SIL1: variants seen among roughly 807,000 people sequenced by gnomAD.
SIL1 encodes SIL1 nucleotide exchange factor, also known as nucleotide exchange factor SIL1.
A neutral mutation model predicts 49.1 loss-of-function variants in SIL1; 40 were observed. The observed-to-expected ratio is 0.81, with a 90% CI of 0.63 to 1.06. The LOEUF (loss-of-function observed/expected upper bound fraction) is 1.06. Ranked by LOEUF, SIL1 falls within the 50% of genes least tolerant of loss-of-function variation. The pLI is 0.00. For synonymous variants in SIL1, 253 were observed against 250.8 expected, an observed-to-expected ratio of 1.01 and a Z score of -0.08; for missense variants, 500 against 572.6, an observed-to-expected ratio of 0.87 and a Z score of 1.29.
chr5:139,182,183 G>A (rs1181279589), intron 1 of SIL1, among the ~76,000 whole-genome samples: 1 of 152,156 alleles, frequency 6.6e-6, no homozygotes, highest in Admixed American at 6.5e-5. Flanking sequence ...TCATTGCTTG[G>A]GAGCAGGCAA....
chr5:139,181,201 C>G (rs937078684), intron 1 of SIL1, among the ~76,000 whole-genome samples: 1 of 152,152 alleles, frequency 6.6e-6, no homozygotes, highest in Non-Finnish European at 1.5e-5. Flanking sequence ...TAGTGTGACT[C>G]TTAATGTTAC....
At position 139,095,374 on chromosome 5, in the gene SIL1, G is replaced by A. The variant is rs544389109; in HGVS notation, c.244+25661C>T. On this transcript the variant is annotated intron_variant, in intron 3 of 9. Transcript: ENST00000394817. The stretch of plus-strand genomic sequence containing the variant: ...CACCTCCTGGGTTCAAACAATTCTC[G>A]TGCCTCACCTCCTGAGTAGCTGAAT... 4.0e-5 allele frequency among the ~76,000 whole-genome samples: 6 copies of A among 149,352 alleles called. No individual in the cohort carries two copies. The South Asian group carries it at 8.4e-4, about 21-fold the overall frequency.
chr5:139,171,707 T>TAAAAAGAAAAAAAATA (rs1272744617), intron 1 of SIL1, among the ~76,000 whole-genome samples: 1 of 106,096 alleles, frequency 9.4e-6, no homozygotes, highest in African/African-American at 3.5e-5. Context: ...TAAAAAAAAA[T>TAAAAAGAAAAAAAATA]AAAAAGAAAA....
chr5:139,059,227 G>A (rs1369820647), intron 3 of SIL1, among the ~76,000 whole-genome samples: 1 of 152,122 alleles, frequency 6.6e-6, no homozygotes, highest in Non-Finnish European at 1.5e-5. Flanking sequence ...ATGGGGGTGG[G>A]TCTTTCCTGT....
chr5:139,089,966 A>C (rs1353504715), intron 3 of SIL1, among the ~76,000 whole-genome samples: 1 of 152,194 alleles, frequency 6.6e-6, no homozygotes, highest in Non-Finnish European at 1.5e-5. Flanking sequence ...TATAAATTTA[A>C]CCTCAATGTA....
intron 7 of SIL1, 59 bp from the exon 8 acceptor site, chr5:138,951,943 A>G: frequency 6.9e-7 from 1 of 1,458,162 alleles, no homozygotes; most frequent in Non-Finnish European, 9.6e-7. Context: ...TCGGATGGTC[A>G]GGGAACTGAG....
At chr5:139,046,185 G>T (rs951051092) in intron 4 of SIL1, among the ~76,000 whole-genome samples, 5 of 152,190 alleles carry the variant, frequency 3.3e-5, no homozygotes, top group African/African-American at 1.2e-4. Flanking sequence ...AAATTGGCTG[G>T]GTGTGGTGGC....
intron 3 of SIL1, among the ~76,000 whole-genome samples, chr5:139,113,308 A>AT (rs1441915100): frequency 1.4e-5 from 2 of 140,542 alleles, no homozygotes; most frequent in African/African-American, 5.5e-5. Context: ...AATAAAATAA[A>AT]AAATAAATAA....
At chr5:138,998,550 C>T (rs60409497) in intron 7 of SIL1, among the ~76,000 whole-genome samples, 3,483 of 152,212 alleles carry the variant, frequency 0.023, 113 homozygotes, top group African/African-American at 0.075. Flanking sequence ...GTGTCGGCAT[C>T]TGATTCTGGT....
At chr5:138,994,362 T>C (rs1183835704) in intron 7 of SIL1, among the ~76,000 whole-genome samples, 4 of 152,144 alleles carry the variant, frequency 2.6e-5, no homozygotes, top group Non-Finnish European at 5.9e-5. Context: ...AATTAACCTC[T>C]TTACAATAAC....
At chr5:139,035,266 T>C in intron 5 of SIL1, 1 of 511,426 alleles carries the variant, frequency 2.0e-6, no homozygotes. Context: ...TTAATGGTTC[T>C]AGAGAGTTCT....
At chr5:139,171,000 G>A (rs1416509778) in intron 1 of SIL1, among the ~76,000 whole-genome samples, 1 of 148,758 alleles carries the variant, frequency 6.7e-6, no homozygotes, top group African/African-American at 2.5e-5. Context: ...GAGGTGAGGG[G>A]CGCCTCTGCC....
chr5:139,029,369 CA>C (rs1561835152), intron 5 of SIL1, among the ~76,000 whole-genome samples: 1 of 152,038 alleles, frequency 6.6e-6, no homozygotes, highest in Non-Finnish European at 1.5e-5. Context: ...ATGACACTGG[CA>C]AAAAACTTCA....
intron 4 of SIL1, among the ~76,000 whole-genome samples, chr5:139,049,890 G>A (rs140264598): frequency 1.3e-4 from 20 of 151,856 alleles, no homozygotes; most frequent in African/African-American, 4.1e-4. Flanking sequence ...GTGCTTACAC[G>A]TGTTAGCACA....
intron 2 of SIL1, among the ~76,000 whole-genome samples, chr5:139,125,036 A>G (rs1357559411): frequency 3.9e-5 from 6 of 152,258 alleles, no homozygotes; most frequent in East Asian, 1.9e-4. Flanking sequence ...TCACCTTAGC[A>G]TATCTACCAG....
At chr5:139,077,697 C>G (rs567609592) in intron 3 of SIL1, among the ~76,000 whole-genome samples, 2 of 152,294 alleles carry the variant, frequency 1.3e-5, no homozygotes, top group African/African-American at 2.4e-5. Context: ...CAGTTCCACA[C>G]AGAGGCACCA....
intron 1 of SIL1, among the ~76,000 whole-genome samples, chr5:139,176,927 C>CTTTTT (rs70982757): frequency 2.3e-4 from 22 of 95,806 alleles, no homozygotes; most frequent in Non-Finnish European, 3.7e-4. Flanking sequence ...AGCTGAGATT[C>CTTTTT]TTTTTTTTTT....
chr5:139,102,510 G>A (rs1205332574), intron 3 of SIL1, among the ~76,000 whole-genome samples: 1 of 149,798 alleles, frequency 6.7e-6, no homozygotes, highest in Non-Finnish European at 1.5e-5. Context: ...AAGAGAGAGA[G>A]AGAGAGAGAA....
intron 6 of SIL1, among the ~76,000 whole-genome samples, chr5:139,026,550 C>G (rs552406677): frequency 3.9e-5 from 6 of 152,148 alleles, no homozygotes; most frequent in Admixed American, 2.0e-4. Context: ...TTGCAGTGAG[C>G]CGAGATCGCG....
Sources: allele counts gnomAD v4.1 joint callset (sites outside exome capture counted in the v4.1 genomes callset), GRCh38; gene constraint gnomAD v4.1.1; transcripts MANE v1.5; gene names NCBI Gene and HGNC (gene_info 2026-07-23, HGNC 2026-07-21).